Variants in VPS13B observed in about 807,000 individuals in gnomAD.
VPS13B encodes the protein intermembrane lipid transfer protein VPS13B.
In VPS13B, 285 loss-of-function variants were observed where a neutral mutation model predicts 426.4. That is an observed-to-expected ratio of 0.67 (90% CI 0.61 to 0.74). VPS13B has a LOEUF of 0.74. VPS13B is among the 30% of genes least tolerant of loss of function. The pLI is 0.00. For synonymous variants in VPS13B, 1,676 were observed against 1,676.4 expected (o/e 1.00, Z 0.01); for missense variants, 4,537 against 4,782.6 (o/e 0.95, Z 1.51).
At chr8:99,670,649 C>T (rs1830677146) in intron 35 of VPS13B, among the ~76,000 whole-genome samples, 1 of 152,052 alleles carries the variant, frequency 6.6e-6, no homozygotes, top group African/African-American at 2.4e-5. Flanking sequence ...TGTCCCTTCC[C>T]CTAGCCCCTG....
At chr8:99,221,187 A>C (rs1207772360) in intron 17 of VPS13B, among the ~76,000 whole-genome samples, 1 of 138,058 alleles carries the variant, frequency 7.2e-6, no homozygotes. Context: ...CCAGTCTATC[A>C]TTGTTGGACA....
At chr8:99,030,245 G>A (rs1842449742) in intron 2 of VPS13B, among the ~76,000 whole-genome samples, 1 of 147,064 alleles carries the variant, frequency 6.8e-6, no homozygotes, top group South Asian at 2.2e-4. Flanking sequence ...GCTAACCTGG[G>A]TACAGCAGGA....
chr8:99,476,630 T>C (rs1324622920), intron 24 of VPS13B, among the ~76,000 whole-genome samples: 5 of 152,134 alleles, frequency 3.3e-5, no homozygotes, highest in Admixed American at 3.3e-4. Context: ...GATTAACAGC[T>C]TACTTCTCGT....
At chr8:99,261,714 C>T (rs1278426630) in intron 17 of VPS13B, among the ~76,000 whole-genome samples, 1 of 152,198 alleles carries the variant, frequency 6.6e-6, no homozygotes, top group African/African-American at 2.4e-5. Context: ...TCCACATCCT[C>T]ACCAGCATTT....
intron 58 of VPS13B, among the ~76,000 whole-genome samples, chr8:99,863,646 A>G (rs890950655): frequency 8.5e-5 from 13 of 152,148 alleles, no homozygotes; most frequent in African/African-American, 2.9e-4. Flanking sequence ...GGGAAAAATC[A>G]GTTGTGTGAG....
chr8:99,049,492 A>G (rs547852976), intron 3 of VPS13B, among the ~76,000 whole-genome samples: 12 of 151,570 alleles, frequency 7.9e-5, no homozygotes, highest in Non-Finnish European at 1.0e-4. Context: ...TAGGGCCCCA[A>G]TCCCTTCTAG....
chr8:99,709,530 C>A (rs1368913804), intron 36 of VPS13B, among the ~76,000 whole-genome samples: 2 of 152,152 alleles, frequency 1.3e-5, no homozygotes, highest in South Asian at 4.1e-4. Context: ...TTCTGTTTAT[C>A]GTACCAGTTG....
chr8:99,782,861 G>C (rs553768259), intron 42 of VPS13B, among the ~76,000 whole-genome samples: 20 of 152,202 alleles, frequency 1.3e-4, no homozygotes, highest in Admixed American at 5.2e-4. Context: ...GTAGATGACA[G>C]ATGCTTGTTG....
intron 33 of VPS13B, among the ~76,000 whole-genome samples, chr8:99,586,810 C>T (rs1355423033): frequency 1.3e-5 from 2 of 152,110 alleles, no homozygotes; most frequent in Non-Finnish European, 2.9e-5. Flanking sequence ...CATTGACACT[C>T]TTCCCAGAAT....
At chr8:99,418,078 C>T (rs1008499326) in intron 21 of VPS13B, among the ~76,000 whole-genome samples, 13 of 151,960 alleles carry the variant, frequency 8.6e-5, no homozygotes, top group Non-Finnish European at 1.3e-4. Context: ...TTTTTTGTTT[C>T]TATTTTAAAT....
At chr8:99,117,823 G>A (rs1847749365) in intron 7 of VPS13B, among the ~76,000 whole-genome samples, 1 of 152,046 alleles carries the variant, frequency 6.6e-6, no homozygotes, top group Non-Finnish European at 1.5e-5. Flanking sequence ...TTTCTTTTTG[G>A]AATGATGAAA....
chr8:99,329,960 C>T (rs139065495), intron 19 of VPS13B, among the ~76,000 whole-genome samples: 377 of 152,026 alleles, frequency 2.5e-3, no homozygotes, highest in Non-Finnish European at 4.7e-3. Flanking sequence ...ATACCAGTGG[C>T]ACCCTTGGTT....
At chr8:99,286,817 G>C (rs1328282566) in intron 19 of VPS13B, among the ~76,000 whole-genome samples, 3 of 152,110 alleles carry the variant, frequency 2.0e-5, no homozygotes, top group African/African-American at 7.2e-5. Context: ...AAATAATTTT[G>C]TGAAGGTTTA....
In VPS13B at chr8:99,558,880, G is replaced by A. The variant is rs560058150; in HGVS notation, c.4949+2227G>A. Among the ~76,000 whole-genome samples, 58 of 152,314 alleles carry A rather than the reference G, an allele frequency of 3.8e-4. No homozygotes were observed. The South Asian group carries it at 0.011, about 30-fold the overall frequency. On this transcript the variant is annotated intron_variant, in intron 31 of 61. Transcript: ENST00000357162. Reference sequence around the variant, plus strand: ...TGCCACAATAAACATACGTGTGCATGTGTCTTTATAGCAGCATGATTTATA... The same window carrying A: ...TGCCACAATAAACATACGTGTGCATATGTCTTTATAGCAGCATGATTTATA...
At chr8:99,021,974 T>C (rs1165546332) in intron 2 of VPS13B, among the ~76,000 whole-genome samples, 3 of 152,186 alleles carry the variant, frequency 2.0e-5, no homozygotes, top group African/African-American at 7.2e-5. Flanking sequence ...TGCTGTGATA[T>C]CTTCTTTTCA....
chr8:99,081,471 A>G (rs1026147287), intron 3 of VPS13B, among the ~76,000 whole-genome samples: 1 of 152,074 alleles, frequency 6.6e-6, no homozygotes, highest in African/African-American at 2.4e-5. Context: ...CACGTGCACA[A>G]CGTGCAGGTT....
intron 19 of VPS13B, among the ~76,000 whole-genome samples, chr8:99,313,677 C>T (rs1411994799): frequency 2.0e-5 from 3 of 152,152 alleles, no homozygotes; most frequent in Non-Finnish European, 2.9e-5. Context: ...CTGGGAGAAC[C>T]ACTACTCACT....
chr8:99,354,625 TG>T, intron 19 of VPS13B, among the ~76,000 whole-genome samples: 1 of 152,300 alleles, frequency 6.6e-6, no homozygotes, highest in African/African-American at 2.4e-5. Flanking sequence ...TGGTTATTTA[TG>T]GAGATGTCTT....
At chr8:99,095,087 G>A (rs1050041789) in intron 3 of VPS13B, among the ~76,000 whole-genome samples, 1 of 152,088 alleles carries the variant, frequency 6.6e-6, no homozygotes, top group African/African-American at 2.4e-5. Context: ...TTGACTCCAT[G>A]GTAACTTCTC....
Sources: allele counts gnomAD v4.1 joint callset (sites outside exome capture counted in the v4.1 genomes callset), GRCh38; gene constraint gnomAD v4.1.1; transcripts MANE v1.5; gene names NCBI Gene and HGNC (gene_info 2026-07-23, HGNC 2026-07-21).